Variants in GRID2 observed in about 807,000 individuals in gnomAD.
GRID2 encodes the protein glutamate ionotropic receptor delta type subunit 2.
GRID2 carries 33 observed loss-of-function variants against 114.8 expected under a neutral mutation model. The ratio of observed to expected loss-of-function variants is 0.29; its 90% CI spans 0.22 to 0.38. The LOEUF is 0.38. GRID2 is among the 10% of genes least tolerant of loss of function. The probability of loss-of-function intolerance (pLI) is 1.00; values close to 1 mark genes in which losing one functional copy is unlikely to be tolerated. For synonymous variants in GRID2, 505 were observed against 449.9 expected, an observed-to-expected ratio of 1.12 and a Z score of -1.55; for missense variants, 1,184 against 1,257.7, an observed-to-expected ratio of 0.94 and a Z score of 0.89.
At chr4:92,882,156 G>A (rs1332094462) in intron 2 of GRID2, among the ~76,000 whole-genome samples, 4 of 152,122 alleles carry the variant, frequency 2.6e-5, no homozygotes, top group Non-Finnish European at 5.9e-5. Flanking sequence ...GAAGAAAGGT[G>A]ATATTTTTTG....
At chr4:92,965,293 T>C (rs1417339046) in intron 2 of GRID2, among the ~76,000 whole-genome samples, 3 of 151,382 alleles carry the variant, frequency 2.0e-5, no homozygotes, top group African/African-American at 7.3e-5. Context: ...TCACTGACTA[T>C]AGATCACCAT....
intron 9 of GRID2, among the ~76,000 whole-genome samples, chr4:93,409,089 G>C (rs1579986385): frequency 6.6e-6 from 1 of 152,148 alleles, no homozygotes; most frequent in East Asian, 1.9e-4. Flanking sequence ...TCTTTGCTCT[G>C]GAAAATGACT....
chr4:92,699,347 G>A (rs1037165978), intron 2 of GRID2, among the ~76,000 whole-genome samples: 1 of 152,104 alleles, frequency 6.6e-6, no homozygotes, highest in African/African-American at 2.4e-5. Flanking sequence ...GTGCAAAAGG[G>A]CAGTTAAAAG....
chr4:93,513,678 G>T (rs576532265), intron 12 of GRID2, among the ~76,000 whole-genome samples: 105 of 152,230 alleles, frequency 6.9e-4, no homozygotes, highest in Middle Eastern at 3.4e-3. Flanking sequence ...AGAGCAAAAA[G>T]GAATTATCAT....
chr4:93,078,760 T>C (rs1729580863), intron 2 of GRID2, among the ~76,000 whole-genome samples: 1 of 55,688 alleles, frequency 1.8e-5, no homozygotes, highest in African/African-American at 5.8e-5. Flanking sequence ...TAAATATAAT[T>C]ATATTATATT....
intron 2 of GRID2, among the ~76,000 whole-genome samples, chr4:92,993,107 T>G (rs1755003986): frequency 6.6e-6 from 1 of 152,120 alleles, no homozygotes; most frequent in Non-Finnish European, 1.5e-5. Flanking sequence ...TTGGAACAGA[T>G]GGCCTTGCGA....
chr4:93,660,198 T>C (rs1723365497), intron 14 of GRID2, among the ~76,000 whole-genome samples: 1 of 152,194 alleles, frequency 6.6e-6, no homozygotes, highest in South Asian at 2.1e-4. Flanking sequence ...CTCAGTGTTT[T>C]AATGTCAGTT....
intron 2 of GRID2, among the ~76,000 whole-genome samples, chr4:92,698,183 T>G (rs1410264138): frequency 6.6e-6 from 1 of 152,120 alleles, no homozygotes; most frequent in African/African-American, 2.4e-5. Context: ...TTGGCATATG[T>G]GACAAGCAGA....
At chr4:92,566,561 A>G (rs1277213980) in intron 1 of GRID2, among the ~76,000 whole-genome samples, 1 of 151,954 alleles carries the variant, frequency 6.6e-6, no homozygotes, top group Non-Finnish European at 1.5e-5. Context: ...ACATGTTGAG[A>G]AATTTTCTTG....
intron 10 of GRID2, among the ~76,000 whole-genome samples, chr4:93,448,473 T>C (rs111834086): frequency 3.6e-4 from 54 of 152,052 alleles, no homozygotes; most frequent in African/African-American, 1.2e-3. Flanking sequence ...CCTCATAATA[T>C]GCCATTTTCT....
chr4:92,625,699 G>T (rs1479565773), intron 2 of GRID2, among the ~76,000 whole-genome samples: 2 of 151,780 alleles, frequency 1.3e-5, no homozygotes, highest in Non-Finnish European at 1.5e-5. Flanking sequence ...TGACAATCAA[G>T]TGGGCTAATA....
chr4:93,428,737 A>T (rs543823372), intron 10 of GRID2, among the ~76,000 whole-genome samples: 1 of 152,320 alleles, frequency 6.6e-6, no homozygotes, highest in African/African-American at 2.4e-5. Context: ...TGATATTTAG[A>T]TTCTAACAGA....
At chr4:92,990,295 A>ATG (rs2149202471) in intron 2 of GRID2, among the ~76,000 whole-genome samples, 3 of 137,064 alleles carry the variant, frequency 2.2e-5, no homozygotes, top group East Asian at 2.1e-4. Context: ...GTGTATATAT[A>ATG]TATATATATA....
At chr4:93,455,421 A>G (rs745354881) in intron 10 of GRID2, among the ~76,000 whole-genome samples, 26 of 152,158 alleles carry the variant, frequency 1.7e-4, no homozygotes, top group Non-Finnish European at 3.4e-4. Flanking sequence ...CACTGATTTT[A>G]CATATGCTGA....
intron 1 of GRID2, among the ~76,000 whole-genome samples, chr4:92,440,084 G>A (rs1732962561): frequency 6.8e-6 from 1 of 146,256 alleles, no homozygotes; most frequent in South Asian, 2.3e-4. Flanking sequence ...GTAGCATTCC[G>A]AGGACAGGCC....
At chr4:93,581,030 T>C (rs1212032279) in intron 13 of GRID2, among the ~76,000 whole-genome samples, 1 of 151,966 alleles carries the variant, frequency 6.6e-6, no homozygotes, top group Admixed American at 6.6e-5. Flanking sequence ...CGTGCCATGG[T>C]GGTTTGCTGC....
intron 8 of GRID2, among the ~76,000 whole-genome samples, chr4:93,265,071 G>A (rs974427564): frequency 1.3e-5 from 2 of 151,852 alleles, no homozygotes; most frequent in Admixed American, 6.6e-5. Context: ...ATGAGCCACC[G>A]CGCCTGGCCT....
Position 93,800,956 on chromosome 4 carries a change from G to C in GRID2, c.222-5759G>C, listed in dbSNP as rs149549775. ...CTAATTATTTTCCTAGCAGTTAATA[G>C]GTAATGTCATTAGCACAAAAACGTA... is the stretch of plus-strand genomic sequence containing the variant. On this transcript the variant is annotated intron_variant, in intron 1 of 1. Coordinates refer to the GRID2 transcript ENST00000637838. Among the ~76,000 whole-genome samples the C allele has an allele frequency of 8.9e-3, 1,350 of 152,202 alleles. 58 individuals carry two copies. Among genetic ancestry groups the C allele is most frequent in the Admixed American group, 0.074 (1,138 of 15,280 alleles).
rs1449323215 is a variant in GRID2 at position 92,789,150 on chromosome 4, T to C, written c.244+198864T>C. ...TCAGTTTCTGTTGCTTGAGAAACCT[T>C]GAGAAACCTAGTTTTAGACTAATTG... is the stretch of plus-strand genomic sequence containing the variant. On this transcript the variant is annotated intron_variant, in intron 2 of 15. Transcript: ENST00000282020. 2.0e-5 allele frequency among the ~76,000 whole-genome samples: 3 copies of C among 151,918 alleles called. No individual in the cohort carries two copies. The East Asian group carries it at 5.8e-4, about 30-fold the overall frequency.
Sources: gnomAD v4.1 joint callset for allele counts (sites outside exome capture counted in the v4.1 genomes callset) on GRCh38, gnomAD v4.1.1 for gene constraint, MANE v1.5 for transcripts, NCBI Gene and HGNC (gene_info 2026-07-23, HGNC 2026-07-21) for gene names.